Variants in MSI2 observed in about 807,000 individuals in gnomAD.
MSI2 encodes musashi RNA binding protein 2, also known as RNA-binding protein Musashi homolog 2.
MSI2 carries 17 observed loss-of-function variants against 45.6 expected under a neutral mutation model. The ratio of observed to expected loss-of-function variants is 0.37; its 90% CI spans 0.26 to 0.56. MSI2 has a LOEUF of 0.56. MSI2 is among the 20% of genes least tolerant of loss of function. MSI2 has a pLI of 0.77. For missense variants in MSI2, 293 were observed against 444.2 expected (o/e 0.66, Z 3.06); for synonymous variants, 156 against 158.2 (o/e 0.99, Z 0.11).
chr17:57,505,021 G>C (rs1466763804), intron 6 of MSI2, among the ~76,000 whole-genome samples: 1 of 152,112 alleles, frequency 6.6e-6, no homozygotes, highest in Admixed American at 6.5e-5. Flanking sequence ...GGGGTAGCTT[G>C]GAAGACAGAG....
intron 5 of MSI2, among the ~76,000 whole-genome samples, chr17:57,341,359 G>A (rs569454787): frequency 3.6e-4 from 55 of 152,210 alleles, no homozygotes; most frequent in Non-Finnish European, 6.3e-4. Context: ...AGGTAATCAC[G>A]TATTTAGAAG....
intron 6 of MSI2, among the ~76,000 whole-genome samples, chr17:57,469,752 G>A (rs1477909530): frequency 1.3e-5 from 2 of 152,240 alleles, no homozygotes; most frequent in African/African-American, 4.8e-5. Context: ...CACATCTCCA[G>A]TGTCCCCATC....
chr17:57,428,820 C>G (rs1051231749), intron 6 of MSI2, among the ~76,000 whole-genome samples: 1 of 152,110 alleles, frequency 6.6e-6, no homozygotes, highest in African/African-American at 2.4e-5. Flanking sequence ...TGTCCATTTT[C>G]CAAGGTAAAC....
the MSI2 span, among the ~76,000 whole-genome samples, chr17:57,690,730 G>T: frequency 8.5e-6 from 1 of 118,146 alleles, no homozygotes; most frequent in African/African-American, 4.2e-5. Context: ...CCCAGTCTTT[G>T]GCTATTCTCT....
At chr17:57,523,362 A>G (rs1331052679) in intron 6 of MSI2, among the ~76,000 whole-genome samples, 3 of 152,184 alleles carry the variant, frequency 2.0e-5, no homozygotes, top group Admixed American at 2.0e-4. Flanking sequence ...TTGCGTCTTT[A>G]AAGTTTTCCT....
intron 6 of MSI2, among the ~76,000 whole-genome samples, chr17:57,498,439 G>A (rs2086024652): frequency 6.6e-6 from 1 of 152,238 alleles, no homozygotes; most frequent in African/African-American, 2.4e-5. Context: ...ATGAGAACAC[G>A]AAAGCTGTTG....
At chr17:57,577,609 C>T (rs1340028886) in intron 7 of MSI2, among the ~76,000 whole-genome samples, 1 of 152,112 alleles carries the variant, frequency 6.6e-6, no homozygotes, top group Non-Finnish European at 1.5e-5. Flanking sequence ...ATTCCAAACC[C>T]TTTGAGGTAG....
chr17:57,619,958 C>T (rs1908134948), intron 9 of MSI2, among the ~76,000 whole-genome samples: 1 of 152,250 alleles, frequency 6.6e-6, no homozygotes, highest in East Asian at 1.9e-4. Context: ...CTGCTGAAGG[C>T]CTTTGCCTTT....
At chr17:57,263,124 C>A (rs1598041663) in intron 5 of MSI2, among the ~76,000 whole-genome samples, 1 of 152,164 alleles carries the variant, frequency 6.6e-6, no homozygotes, top group East Asian at 1.9e-4. Context: ...CACAGTCTCC[C>A]AGAAGTGGAA....
chr17:57,304,418 A>AT (rs143028135), intron 5 of MSI2, among the ~76,000 whole-genome samples: 2,232 of 137,948 alleles, frequency 0.016, 50 homozygotes, highest in African/African-American at 0.051. Flanking sequence ...ATAAAGAGTA[A>AT]TTTTTTTTTT....
At chr17:57,408,662 G>A (rs1276242765) in intron 6 of MSI2, among the ~76,000 whole-genome samples, 1 of 10,964 alleles carries the variant, frequency 9.1e-5, no homozygotes, top group East Asian at 4.2e-3. Flanking sequence ...GCCCTCTGAA[G>A]ACGTCACTTA....
chr17:57,429,816 T>G (rs1395724584), intron 6 of MSI2, among the ~76,000 whole-genome samples: 2 of 152,044 alleles, frequency 1.3e-5, no homozygotes, highest in Non-Finnish European at 2.9e-5. Flanking sequence ...CATTCTGGTG[T>G]GTGTCCTTCC....
rs769598215 is a variant in MSI2 at position 57,616,057 on chromosome 17, G to A, written c.625G>A (p.Ala209Thr). Residue 209 changes from alanine to threonine, a missense_variant, in exon 9 of 14, where the codon GCG (alanine) becomes ACG (threonine). Physicochemically the swap from Ala to Thr is moderately conservative, Grantham distance 58. Coordinates refer to ENST00000284073, the MANE Select transcript of MSI2 (RefSeq NM_138962.4). ...RARGLPYTMD[A>T]FMLGMGMLGY... Reference sequence around the variant, plus strand: ...CCGGGGACTGCCTTACACCATGGACGCGTTCATGCTTGGCATGGGGATGCT... The same window carrying A: ...CCGGGGACTGCCTTACACCATGGACACGTTCATGCTTGGCATGGGGATGCT... 26 of 1,613,918 alleles carry A rather than the reference G, an allele frequency of 1.6e-5. No homozygotes were observed. The highest frequency in any genetic ancestry group is 2.7e-5 in the African/African-American group (2 of 74,918).
intron 7 of MSI2, among the ~76,000 whole-genome samples, chr17:57,589,883 C>G (rs1904661970): frequency 6.6e-6 from 1 of 152,206 alleles, no homozygotes; most frequent in Non-Finnish European, 1.5e-5. Flanking sequence ...TGCCCTGCCT[C>G]TCGCAGAGTT....
intron 5 of MSI2, among the ~76,000 whole-genome samples, chr17:57,284,772 CCATTGGGG>C (rs1909725120): frequency 6.6e-6 from 1 of 152,118 alleles, no homozygotes; most frequent in African/African-American, 2.4e-5. Flanking sequence ...TCATCTGCCC[CCATTGGGG>C]GAGGGCTTGT....
At chr17:57,384,919 A>G (rs114847241) in intron 5 of MSI2, among the ~76,000 whole-genome samples, 4 of 152,228 alleles carry the variant, frequency 2.6e-5, no homozygotes, top group African/African-American at 9.6e-5. Flanking sequence ...TGCATCCCCT[A>G]TCTCAATTGG....
At chr17:57,372,874 C>T (rs1417560531) in intron 5 of MSI2, among the ~76,000 whole-genome samples, 1 of 151,784 alleles carries the variant, frequency 6.6e-6, no homozygotes, top group Non-Finnish European at 1.5e-5. Context: ...TTTTTTCCTG[C>T]CAAGAGGGAT....
intron 10 of MSI2, among the ~76,000 whole-genome samples, chr17:57,647,047 G>A (rs1036940980): frequency 6.6e-6 from 1 of 152,064 alleles, no homozygotes; most frequent in Non-Finnish European, 1.5e-5. Context: ...TAAACAGAAT[G>A]TGTATTCTAA....
At chr17:57,512,442 A>G (rs1437034508) in intron 6 of MSI2, among the ~76,000 whole-genome samples, 1 of 152,176 alleles carries the variant, frequency 6.6e-6, no homozygotes, top group East Asian at 1.9e-4. Flanking sequence ...ACCTGTTGCC[A>G]TCTGGCCAGA....
Sources: gnomAD v4.1 joint callset for allele counts (sites outside exome capture counted in the v4.1 genomes callset) on GRCh38, gnomAD v4.1.1 for gene constraint, MANE v1.5 for transcripts, NCBI Gene and HGNC (gene_info 2026-07-23, HGNC 2026-07-21) for gene names.